NME7: variants seen among roughly 807,000 people sequenced by gnomAD.
NME7 encodes nucleoside diphosphate kinase 7.
Under a neutral mutation model 49.1 loss-of-function variants are expected in NME7, and 41 were observed. The observed-to-expected ratio is 0.83, with a 90% CI of 0.65 to 1.08. The LOEUF (loss-of-function observed/expected upper bound fraction) is 1.08, where lower values mean the gene tolerates loss of function less well. Ranked by LOEUF, NME7 falls within the 50% of genes least tolerant of loss-of-function variation. NME7 has a pLI of 0.00. For synonymous variants in NME7, 139 were observed against 150.6 expected (o/e 0.92, Z 0.56); for missense variants, 423 against 463.4 (o/e 0.91, Z 0.80).
At chr1:169,274,248 G>T (rs1354780823) in intron 7 of NME7, among the ~76,000 whole-genome samples, 1 of 133,750 alleles carries the variant, frequency 7.5e-6, no homozygotes, top group African/African-American at 2.5e-5. Flanking sequence ...GTGTCTTTTG[G>T]CTGCATAAAT....
chr1:169,342,339 G>A lies in NME7; in HGVS notation c.4-17839C>T, dbSNP rs576731442. On this transcript the variant is annotated intron_variant, in intron 1 of 11. Coordinates refer to ENST00000367811, the MANE Select transcript of NME7 (RefSeq NM_013330.5). ...CTGCTTCCCCTTTGCCTTCTGGCAT[G>A]ATTGTAAGTTTCCTGAGGCCTCCGC... 1.8e-3 allele frequency among the ~76,000 whole-genome samples: 275 copies of A among 151,962 alleles called. 1 individual carries two copies. Among genetic ancestry groups the A allele is most frequent in the Middle Eastern group, 0.014 (4 of 294 alleles).
At chr1:169,290,172 T>C (rs1276519098) in intron 6 of NME7, among the ~76,000 whole-genome samples, 1 of 152,118 alleles carries the variant, frequency 6.6e-6, no homozygotes, top group African/African-American at 2.4e-5. Flanking sequence ...CACTAAAGCA[T>C]TTGTAATTAA....
intron 11 of NME7, among the ~76,000 whole-genome samples, chr1:169,165,149 G>A (rs972569129): frequency 2.6e-5 from 4 of 151,994 alleles, no homozygotes; most frequent in African/African-American, 9.7e-5. Flanking sequence ...GTCACAATTA[G>A]CAATATTCAA....
intron 7 of NME7, among the ~76,000 whole-genome samples, chr1:169,281,783 A>T (rs563953389): frequency 2.0e-5 from 3 of 152,320 alleles, no homozygotes; most frequent in South Asian, 2.1e-4. Context: ...CCAGCCTTGC[A>T]TTCCAGCAAT....
intron 1 of NME7, among the ~76,000 whole-genome samples, chr1:169,361,911 C>A (rs978666365): frequency 3.3e-5 from 5 of 152,060 alleles, no homozygotes; most frequent in African/African-American, 1.2e-4. Flanking sequence ...ATGAAACTGT[C>A]TTTGAAAACT....
chr1:169,364,661 C>A (rs917095640), intron 1 of NME7, among the ~76,000 whole-genome samples: 1 of 152,230 alleles, frequency 6.6e-6, no homozygotes, highest in Non-Finnish European at 1.5e-5. Flanking sequence ...TCTAACCTAA[C>A]TGACTCCATA....
At chr1:169,219,986 C>T (rs1322545994) in intron 10 of NME7, among the ~76,000 whole-genome samples, 2 of 152,070 alleles carry the variant, frequency 1.3e-5, no homozygotes, top group Admixed American at 1.3e-4. Flanking sequence ...CAGCTTTTTC[C>T]TCATTTTTTT....
intron 7 of NME7, chr1:169,286,320 A>G (rs1335621337): frequency 6.6e-6 from 1 of 152,100 alleles, no homozygotes; most frequent in Non-Finnish European, 1.5e-5. Context: ...TTTCTACTAT[A>G]TACATGGATT....
chr1:169,188,260 G>A (rs547272313), intron 10 of NME7, among the ~76,000 whole-genome samples: 5 of 152,216 alleles, frequency 3.3e-5, no homozygotes, highest in African/African-American at 1.2e-4. Context: ...GTATTTTATT[G>A]ATGGTTTTTG....
At chr1:169,150,918 T>C (rs1430425882) in intron 11 of NME7, among the ~76,000 whole-genome samples, 1 of 152,242 alleles carries the variant, frequency 6.6e-6, no homozygotes, top group African/African-American at 2.4e-5. Flanking sequence ...TATGTTCCTA[T>C]AAAACTTTAT....
At chr1:169,232,323 G>A (rs536524343) in intron 9 of NME7, among the ~76,000 whole-genome samples, 2 of 152,056 alleles carry the variant, frequency 1.3e-5, no homozygotes, top group Non-Finnish European at 2.9e-5. Context: ...GTGCAACCAT[G>A]TCAAGCTGTC....
intron 1 of NME7, among the ~76,000 whole-genome samples, chr1:169,350,512 A>T (rs1465349156): frequency 1.3e-5 from 2 of 151,874 alleles, no homozygotes; most frequent in African/African-American, 4.8e-5. Flanking sequence ...AGATGCCTCT[A>T]CTTCTGCTTG....
chr1:169,136,147 G>C (rs1465227176), intron 11 of NME7, among the ~76,000 whole-genome samples: 1 of 152,058 alleles, frequency 6.6e-6, no homozygotes, highest in African/African-American at 2.4e-5. Flanking sequence ...TCATTACTTG[G>C]TCTGTCTTTT....
chr1:169,309,241 A>G (rs996478398), intron 4 of NME7, among the ~76,000 whole-genome samples: 3 of 152,102 alleles, frequency 2.0e-5, no homozygotes, highest in African/African-American at 7.2e-5. Flanking sequence ...TGCCTGGTGT[A>G]ATGCCTACAT....
chr1:169,292,695 A>T (rs561138171), intron 6 of NME7, among the ~76,000 whole-genome samples: 3 of 152,256 alleles, frequency 2.0e-5, no homozygotes, highest in African/African-American at 7.2e-5. Flanking sequence ...TACTTTAAAA[A>T]TTTTTAATAG....
chr1:169,292,759 G>A (rs1485845772), intron 6 of NME7, among the ~76,000 whole-genome samples: 1 of 152,146 alleles, frequency 6.6e-6, no homozygotes, highest in Non-Finnish European at 1.5e-5. Context: ...AGCCTATGTG[G>A]AAGATATATT....
intron 11 of NME7, among the ~76,000 whole-genome samples, chr1:169,158,235 G>A (rs1003877633): frequency 2.0e-5 from 3 of 152,106 alleles, no homozygotes; most frequent in African/African-American, 4.8e-5. Flanking sequence ...TCTATACTAC[G>A]TTTTTCCATA....
Position 169,277,105 on chromosome 1 carries a change from C to T in NME7, c.754+10198G>A, listed in dbSNP as rs1444298781. Among the ~76,000 whole-genome samples, 3 of 150,418 alleles carry T rather than the reference C, an allele frequency of 2.0e-5. 1 individual carries two copies. The Admixed American group carries it at 2.0e-4, about 10-fold the overall frequency. ...CACTTGCTGAGGAGAGCTTTACTTC[C>T]AACTATGTGGTCAATTTTGGAATAG... On this transcript the variant is annotated intron_variant, in intron 7 of 11. Coordinates refer to ENST00000367811, the MANE Select transcript of NME7 (RefSeq NM_013330.5).
At chr1:169,246,284 T>C (rs1648308793) in intron 7 of NME7, among the ~76,000 whole-genome samples, 1 of 152,042 alleles carries the variant, frequency 6.6e-6, no homozygotes, top group Admixed American at 6.6e-5. Flanking sequence ...CCAGCCTGGG[T>C]GACAGAGCGA....
Sources: gnomAD v4.1 joint callset for allele counts (sites outside exome capture counted in the v4.1 genomes callset) on GRCh38, gnomAD v4.1.1 for gene constraint, MANE v1.5 for transcripts, NCBI Gene and HGNC (gene_info 2026-07-23, HGNC 2026-07-21) for gene names.